UNKL: variants seen among roughly 807,000 people sequenced by gnomAD.
UNKL encodes the protein putative E3 ubiquitin-protein ligase UNKL.
A neutral mutation model predicts 78.0 loss-of-function variants in UNKL; 60 were observed. The observed-to-expected ratio is 0.77, with a 90% CI of 0.63 to 0.95. UNKL has a LOEUF of 0.95. UNKL is among the 40% of genes least tolerant of loss of function. UNKL has a pLI of 0.00. For missense variants in UNKL, 1,159 were observed against 1,045.7 expected, an observed-to-expected ratio of 1.11 and a Z score of -1.49; for synonymous variants, 608 against 474.8, an observed-to-expected ratio of 1.28 and a Z score of -3.65.
rs1441260240 is a variant in UNKL, at chr16:1,399,413, C to A, written c.695G>T (p.Ser232Ile). ...CCGGGGGTTGCGCCGCCTGTCCCGG[C>A]TATTGTGGTAGTGTGGGCACGCATA... ...QGYACPHYHN[S>I]RDRRRNPRRF... The change falls in exon 5 of 15, where the codon AGC (serine) becomes ATC (isoleucine). Residue 232 changes from serine to isoleucine, a missense_variant. Transcript: ENST00000389221. This position sits in a 1 kb window ranked among gnomAD's most constrained non-coding sequence, Gnocchi z 5.8. The A allele has an allele frequency of 2.5e-6, 4 of 1,605,308 alleles. No individual in the cohort carries two copies. The highest frequency in any genetic ancestry group is 8.5e-7 in the Non-Finnish European group (1 of 1,176,120).
At chr16:1,367,526 A>T (rs1427427015) in intron 13 of UNKL, 130 bp downstream of exon 13, 6 of 245,524 alleles carry the variant, frequency 2.4e-5, no homozygotes, top group Non-Finnish European at 3.2e-5. Flanking sequence ...CTCCCGTCTC[A>T]CCCCCCACAC....
chr16:1,376,241 G>A (rs1172126027), intron 10 of UNKL, among the ~76,000 whole-genome samples: 1 of 146,272 alleles, frequency 6.8e-6, no homozygotes, highest in Non-Finnish European at 1.5e-5. Context: ...CCTCCCTCCA[G>A]GGCTGGGGCG....
Position 1,399,544 on chromosome 16 carries a change from G to A in UNKL, c.599-35C>T, listed in dbSNP as rs1201611586. Reference sequence around the variant, plus strand: ...GGGCCACACGGTGCCTGAGCAGCGCGACTGGAAGCAATGCTGGGCAGAGGA... The same window carrying A: ...GGGCCACACGGTGCCTGAGCAGCGCAACTGGAAGCAATGCTGGGCAGAGGA... On this transcript the variant is annotated intron_variant, in intron 4 of 14. Coordinates refer to ENST00000389221, the MANE Select transcript of UNKL (RefSeq NM_001372107.1). The surrounding 1 kb of genome is among the most constrained non-coding windows in gnomAD (Gnocchi z 5.8). 3.2e-6 allele frequency: 5 copies of A among 1,568,700 alleles called. No homozygotes were observed. The highest frequency in any genetic ancestry group is 1.4e-5 in the African/African-American group (1 of 73,684).
chr16:1,367,617 TC>T (rs1303296068), intron 13 of UNKL, 38 bp downstream of exon 13: 1 of 1,146,106 alleles, frequency 8.7e-7, no homozygotes. Flanking sequence ...CCTGCGGCCC[TC>T]CCTCCCCCTC....
chr16:1,394,412 A>ATGTGTGCGTGTTCCCTGT, intron 6 of UNKL, 197 bp from the exon 7 acceptor site: 1 of 712,220 alleles, frequency 1.4e-6, no homozygotes, highest in South Asian at 1.5e-5. Context: ...GCCGACCCAC[A>ATGTGTGCGTGTTCCCTGT]GGGAACACGC....
At position 1,387,781 on chromosome 16, in the gene UNKL, G is replaced by A. The variant is rs949653479; in HGVS notation, c.1087-2396C>T. 6.6e-6 allele frequency among the ~76,000 whole-genome samples: 1 copy of A among 151,922 alleles called. No individual in the cohort carries two copies. The highest frequency in any genetic ancestry group is 1.5e-5 in the Non-Finnish European group (1 of 67,962). On this transcript the variant is annotated intron_variant, in intron 9 of 14. Coordinates refer to ENST00000389221, the MANE Select transcript of UNKL (RefSeq NM_001372107.1). This position sits in a 1 kb window ranked among gnomAD's most constrained non-coding sequence, Gnocchi z 4.1. ...ACACTGCACCGCCGCACGGCTGCCC[G>A]GCCTGCGGAAGCCCTCCCCCACCCC...
chr16:1,383,322 C>A (rs2036680445), intron 10 of UNKL, among the ~76,000 whole-genome samples: 1 of 150,546 alleles, frequency 6.6e-6, no homozygotes, highest in Non-Finnish European at 1.5e-5. Flanking sequence ...CACACACACA[C>A]AAAAGAAAAA....
chr16:1,402,461 G>C (rs949336021), intron 3 of UNKL, among the ~76,000 whole-genome samples: 3 of 152,114 alleles, frequency 2.0e-5, no homozygotes, highest in African/African-American at 7.2e-5. Flanking sequence ...AGGAGATGGA[G>C]ACCATCCTGG....
In UNKL at chr16:1,364,206, T is replaced by C. The variant is rs778856808; in HGVS notation, c.*2034A>G. On this transcript the variant is annotated 3_prime_UTR_variant, in exon 15 of 15. Coordinates refer to ENST00000389221, the MANE Select transcript of UNKL (RefSeq NM_001372107.1). ...AATAGATTCACTGAAACCAAGTCGA[T>C]AGTTACCTTGGAGTAGTGGACTAGC... is the stretch of plus-strand genomic sequence containing the variant. 2.6e-5 allele frequency: 4 copies of C among 152,260 alleles called. No individual in the cohort carries two copies. The highest frequency in any genetic ancestry group is 9.6e-5 in the African/African-American group (4 of 41,466). 9.4% of individuals were successfully genotyped at this position (152,260 alleles called of 1,614,324 possible).
At chr16:1,395,864 C>T (rs1386139930) in intron 6 of UNKL, 6 of 424,998 alleles carry the variant, frequency 1.4e-5, no homozygotes, top group Admixed American at 4.9e-5. Flanking sequence ...GCATGATGCG[C>T]GTCTGTGACA....
chr16:1,390,176 T>C (rs1021561140), intron 9 of UNKL, among the ~76,000 whole-genome samples: 2 of 152,108 alleles, frequency 1.3e-5, no homozygotes, highest in Non-Finnish European at 2.9e-5. Context: ...TTAGTACAGA[T>C]GGGGTTTCAC....
In UNKL at chr16:1,366,379, C is replaced by A. The variant is rs146280068; in HGVS notation, c.2063G>T (p.Arg688Leu). ...CCGGCAGGCCACACACTGCTTGGCG[C>A]GGAGCTGGAAGATCACCTGCAGGGC... ...EAVDGVIFQLRAKQCVACRER... is the reference protein window; with the variant it reads ...EAVDGVIFQLLAKQCVACRER... Residue 688 changes from arginine (R) to leucine (L), a missense_variant, in exon 15 of 15, where the codon CGC becomes CTC. Arg to Leu is a moderately radical substitution (Grantham distance 102, BLOSUM62 -2). Coordinates refer to ENST00000389221, the MANE Select transcript of UNKL (RefSeq NM_001372107.1). The A allele has an allele frequency of 2.5e-6, 4 of 1,595,132 alleles. No individual in the cohort carries two copies. Among genetic ancestry groups the A allele is most frequent in the Non-Finnish European group, 3.4e-6 (4 of 1,168,888 alleles).
intron 5 of UNKL, among the ~76,000 whole-genome samples, chr16:1,398,083 C>T (rs922962179): frequency 2.6e-5 from 4 of 152,244 alleles, no homozygotes; most frequent in African/African-American, 9.6e-5. Flanking sequence ...GCCGAACCTC[C>T]TGGGGACAGT....
chr16:1,403,028 A>C lies in UNKL; in HGVS notation c.464+140T>G. 1 of 1,132,278 alleles carries C rather than the reference A, an allele frequency of 8.8e-7. No homozygotes were observed. Among genetic ancestry groups the C allele is most frequent in the South Asian group, 1.6e-5 (1 of 60,878 alleles). The allele number at this position is 1,132,278 out of a possible 1,614,324, so 70.1% of individuals were successfully genotyped here. A position where few individuals can be genotyped will look rare whatever the true frequency, so the allele number is the denominator to read the frequency against. On this transcript the variant is annotated intron_variant, in intron 3 of 14. Transcript: ENST00000389221. This position sits in a 1 kb window ranked among gnomAD's most constrained non-coding sequence, Gnocchi z 4.8. ...AAAAAGGACTAACATCCAGACTCAG[A>C]AAGAAATTCTGGAGGAGAGAGATTT...
chr16:1,370,181 G>A lies in UNKL; in HGVS notation c.1534C>T (p.Arg512Cys), dbSNP rs906241995. The A allele has an allele frequency of 9.9e-6, 15 of 1,517,560 alleles. No homozygotes were observed. The highest frequency in any genetic ancestry group is 8.3e-5 in the African/African-American group (6 of 72,416). 94.0% of individuals were successfully genotyped at this position (1,517,560 alleles called of 1,614,324 possible). The change falls in exon 12 of 15, where the codon CGT (arginine) becomes TGT (cysteine). Residue 512 changes from arginine to cysteine, a missense_variant. Transcript: ENST00000389221. The part of the protein sequence containing the change: ...MTPPQQPPPL[R>C]SEPGTLGSAA... ...GAGCCCAGTGTGCCCGGCTCTGAAC[G>A]CAGGGGTGGCGGCTGCTGGGGAGGC... is the stretch of plus-strand genomic sequence containing the variant.
intron 10 of UNKL, chr16:1,379,480 C>T: frequency 1.0e-6 from 1 of 985,304 alleles, no homozygotes; most frequent in Non-Finnish European, 1.2e-6. Context: ...CTCTGAGAAG[C>T]CCGGGCCCAC....
At chr16:1,408,835 G>A (rs2037904067) in intron 2 of UNKL, 1 of 152,432 alleles carries the variant, frequency 6.6e-6, no homozygotes, top group Non-Finnish European at 1.5e-5. Context: ...CAAGAGCAAC[G>A]CCTGATACGG....
intron 10 of UNKL, among the ~76,000 whole-genome samples, chr16:1,375,577 G>A (rs2036156488): frequency 2.6e-5 from 4 of 152,170 alleles, no homozygotes; most frequent in Admixed American, 2.6e-4. Context: ...GCATGCGGGA[G>A]TGGCCTCCAC....
intron 14 of UNKL, 139 bp downstream of exon 14, chr16:1,366,953 C>G (rs139357830): frequency 7.1e-7 from 1 of 1,408,870 alleles, no homozygotes; most frequent in Non-Finnish European, 9.2e-7. Flanking sequence ...GGTGGGGCAC[C>G]GTCTCCTCCT....
Sources: allele counts gnomAD v4.1 joint callset (sites outside exome capture counted in the v4.1 genomes callset), GRCh38; gene constraint gnomAD v4.1.1; non-coding constraint Gnocchi (gnomAD v3.1); transcripts MANE v1.5; gene names NCBI Gene and HGNC (gene_info 2026-07-23, HGNC 2026-07-21).